The following RASGRP1 variants were observed in gnomAD, a reference collection of about 807,000 sequenced individuals.
RASGRP1 encodes RAS guanyl releasing protein 1.
Under a neutral mutation model 95.1 loss-of-function variants are expected in RASGRP1, and 37 were observed. That is an observed-to-expected ratio of 0.39 (90% confidence interval 0.30 to 0.51). The LOEUF is 0.51. RASGRP1 is among the 20% of genes least tolerant of loss of function. The pLI, the probability that RASGRP1 is intolerant of heterozygous loss-of-function variation, is 0.80. For missense variants in RASGRP1, 711 were observed against 965.4 expected (o/e 0.74, Z 3.49); for synonymous variants, 325 against 353.4 (o/e 0.92, Z 0.90).
At chr15:38,543,628 CTTTCTTTT>C (rs1348241954) in intron 2 of RASGRP1, among the ~76,000 whole-genome samples, 17 of 130,108 alleles carry the variant, frequency 1.3e-4, no homozygotes, top group African/African-American at 2.4e-4. Flanking sequence ...CTTTACTGAC[CTTTCTTTT>C]TTTCTTTTTT....
intron 8 of RASGRP1, among the ~76,000 whole-genome samples, chr15:38,511,393 C>T (rs1041672540): frequency 1.3e-5 from 2 of 152,190 alleles, no homozygotes; most frequent in African/African-American, 4.8e-5. Context: ...TGCAGTGACA[C>T]TGTCTGAGGC....
At chr15:38,500,699 G>A (rs1341661196) in intron 13 of RASGRP1, among the ~76,000 whole-genome samples, 2 of 152,094 alleles carry the variant, frequency 1.3e-5, no homozygotes, top group South Asian at 2.1e-4. Flanking sequence ...GAATCATCGG[G>A]CAAACAGGTT....
chr15:38,513,272 G>T (rs138043482), intron 6 of RASGRP1, among the ~76,000 whole-genome samples: 204 of 152,254 alleles, frequency 1.3e-3, no homozygotes, highest in African/African-American at 4.6e-3. Context: ...AAATTCTAAA[G>T]AATACAGTAC....
chr15:38,521,774 A>G (rs1447651873), intron 3 of RASGRP1, among the ~76,000 whole-genome samples: 1 of 152,140 alleles, frequency 6.6e-6, no homozygotes, highest in Non-Finnish European at 1.5e-5. Flanking sequence ...AAACTATTCA[A>G]AGCACATTTT....
Position 38,564,804 on chromosome 15 carries a change from T to C in RASGRP1, c.-176A>G. The C allele has an allele frequency of 2.7e-6, 1 of 366,858 alleles. No individual in the cohort carries two copies. The highest frequency in any genetic ancestry group is 4.2e-6 in the Non-Finnish European group (1 of 238,150). 22.7% of individuals were successfully genotyped at this position (366,858 alleles called of 1,614,324 possible). A position where few individuals can be genotyped will look rare whatever the true frequency, so the allele number is the denominator to read the frequency against. On this transcript the variant is annotated 5_prime_UTR_variant, in exon 1 of 17. Transcript: ENST00000310803. ...CGAGGTGCACCGCAGGCACAAACTT[T>C]GTGCGAGCGCGCCCCCTCTGCCTCG...
At position 38,544,351 on chromosome 15, in the gene RASGRP1, A is replaced by T. The variant is rs1893025611; in HGVS notation, c.220+15470T>A. ...TCTTGTATGCCACTCCACAAATGCC[A>T]GCCATCCCAGAATCCCTGAACACAA... is the stretch of plus-strand genomic sequence containing the variant. On this transcript the variant is annotated intron_variant, in intron 2 of 16. Transcript: ENST00000310803. 2.0e-5 allele frequency among the ~76,000 whole-genome samples: 3 copies of T among 152,352 alleles called. No homozygotes were observed. In the South Asian group the frequency reaches 6.2e-4, roughly 32 times the overall value.
intron 2 of RASGRP1, among the ~76,000 whole-genome samples, chr15:38,546,518 C>T (rs1595877099): frequency 6.6e-6 from 1 of 152,164 alleles, no homozygotes. Context: ...CGTGAGCCAC[C>T]GTGCTGGGCC....
At chr15:38,505,186 G>A (rs562401020) in intron 10 of RASGRP1, among the ~76,000 whole-genome samples, 11 of 152,258 alleles carry the variant, frequency 7.2e-5, no homozygotes, top group African/African-American at 2.6e-4. Flanking sequence ...TTGGGGTTTG[G>A]AAACGTCCCA....
intron 4 of RASGRP1, among the ~76,000 whole-genome samples, chr15:38,519,026 T>C (rs1324876577): frequency 6.6e-6 from 1 of 152,220 alleles, no homozygotes; most frequent in Non-Finnish European, 1.5e-5. Context: ...TATAATGAGC[T>C]ATATTACTTG....
chr15:38,501,217 C>G lies in RASGRP1; in HGVS notation c.1609G>C (p.Gly537Arg). ...MRASSIYSKL[G>R]LGFPHNFQET... ...TGGAAGTTGTGAGGAAAGCCCAGGC[C>G]CAGCTTGGAATAGATTGAGCTGGCT... Residue 537 changes from glycine (G) to arginine (R), a missense_variant, in exon 13 of 17, where the codon GGC (glycine) becomes CGC (arginine). This residue lies in a region of RASGRP1 where 491 missense variants were observed against 676.6 expected (regional missense o/e 0.73). Transcript: ENST00000310803. 1.2e-6 allele frequency: 2 copies of G among 1,613,180 alleles called. No homozygotes were observed. Among genetic ancestry groups the G allele is most frequent in the Non-Finnish European group, 1.7e-6 (2 of 1,179,386 alleles).
chr15:38,535,255 C>A (rs1258908565), intron 2 of RASGRP1, among the ~76,000 whole-genome samples: 1 of 152,084 alleles, frequency 6.6e-6, no homozygotes. Flanking sequence ...TCCTTCTCCT[C>A]GGGGCTTAGG....
intron 8 of RASGRP1, 28 bp downstream of exon 8, chr15:38,511,576 G>A (rs555004616): frequency 1.3e-6 from 2 of 1,544,876 alleles, no homozygotes; most frequent in South Asian, 2.2e-5. Context: ...ATGCTGCTAA[G>A]GGCCCCAGAG....
intron 2 of RASGRP1, among the ~76,000 whole-genome samples, chr15:38,550,971 A>G (rs918179672): frequency 1.3e-5 from 2 of 152,228 alleles, no homozygotes; most frequent in Admixed American, 6.5e-5. Flanking sequence ...CAAATACAAG[A>G]ACTTATAAAA....
At chr15:38,512,981 CAAA>C (rs756320616) in intron 6 of RASGRP1, 25 bp from the exon 7 acceptor site, 2 of 1,474,588 alleles carry the variant, frequency 1.4e-6, no homozygotes, top group Non-Finnish European at 1.8e-6. Flanking sequence ...ACAACAACAA[CAAA>C]AAAAACCTAT....
chr15:38,511,066 ATATT>A (rs1891492696), intron 8 of RASGRP1, among the ~76,000 whole-genome samples: 1 of 152,252 alleles, frequency 6.6e-6, no homozygotes, highest in African/African-American at 2.4e-5. Flanking sequence ...TTTAAGAAAA[ATATT>A]CATTAATAAA....
intron 2 of RASGRP1, among the ~76,000 whole-genome samples, chr15:38,553,005 T>G (rs571367326): frequency 6.6e-6 from 1 of 152,312 alleles, no homozygotes; most frequent in South Asian, 2.1e-4. Flanking sequence ...CTCAGTGCAA[T>G]TAAAAATGAT....
chr15:38,534,305 G>A (rs937201772), intron 2 of RASGRP1: 3 of 151,726 alleles, frequency 2.0e-5, no homozygotes, highest in African/African-American at 7.3e-5. Context: ...TGAGAATTTG[G>A]GAGAAGGGAA....
chr15:38,558,293 A>G (rs1405326205), intron 2 of RASGRP1, among the ~76,000 whole-genome samples: 1 of 152,218 alleles, frequency 6.6e-6, no homozygotes, highest in East Asian at 1.9e-4. Context: ...ATCTCCTCGC[A>G]GTATATTTTC....
At chr15:38,549,997 C>G (rs1015053101) in intron 2 of RASGRP1, among the ~76,000 whole-genome samples, 5 of 151,938 alleles carry the variant, frequency 3.3e-5, no homozygotes, top group Non-Finnish European at 5.9e-5. Context: ...GTGGCTCATG[C>G]CTGTAATCCC....
Sources: allele counts gnomAD v4.1 joint callset (sites outside exome capture counted in the v4.1 genomes callset), GRCh38; gene constraint gnomAD v4.1.1; regional missense constraint gnomAD v4.1.1; transcripts MANE v1.5; gene names NCBI Gene and HGNC (gene_info 2026-07-23, HGNC 2026-07-21).